The following SPTA1 variants were observed in gnomAD, a reference collection of about 807,000 sequenced individuals.
SPTA1 encodes spectrin alpha, erythrocytic 1.
A neutral mutation model predicts 324.7 loss-of-function variants in SPTA1; 177 were observed. That is an observed-to-expected ratio of 0.55 (90% confidence interval 0.48 to 0.62). The LOEUF is 0.62. Among genes scored for constraint, SPTA1 ranks in the 20% least tolerant of loss-of-function variants. SPTA1 has a pLI of 0.00. For missense variants in SPTA1, 3,162 were observed against 2,883.6 expected, an observed-to-expected ratio of 1.10 and a Z score of -2.21; for synonymous variants, 1,195 against 1,041.3, an observed-to-expected ratio of 1.15 and a Z score of -2.84.
intron 42 of SPTA1, among the ~76,000 whole-genome samples, chr1:158,625,348 C>T (rs1010946959): frequency 6.6e-6 from 1 of 152,072 alleles, no homozygotes; most frequent in Non-Finnish European, 1.5e-5. Context: ...GAAATGTCAA[C>T]ACATCTTTTA....
rs141964877 is a variant in SPTA1, at chr1:158,651,925, G to T, written c.3376-457C>A. ...TCTCTCTCTCTGTGTGTGTGTGTGC[G>T]CGTGTGTGTGTGTTAAATCCCACGT... On this transcript the variant is annotated intron_variant, in intron 23 of 51. Coordinates refer to ENST00000643759, the MANE Select transcript of SPTA1 (RefSeq NM_003126.4). Among the ~76,000 whole-genome samples the T allele has an allele frequency of 3.3e-5, 5 of 151,786 alleles. No homozygotes were observed. The South Asian group carries it at 1.0e-3, about 32-fold the overall frequency.
At chr1:158,654,974 G>A (rs73018255) in intron 20 of SPTA1, among the ~76,000 whole-genome samples, 130 of 152,116 alleles carry the variant, frequency 8.5e-4, no homozygotes, top group Non-Finnish European at 1.3e-3. Flanking sequence ...AGCAAGGAAG[G>A]AAATACATAA....
chr1:158,624,696 A>T (rs1417259739), intron 42 of SPTA1, among the ~76,000 whole-genome samples: 2 of 152,236 alleles, frequency 1.3e-5, no homozygotes, highest in African/African-American at 4.8e-5. Context: ...TATAATAAGG[A>T]AACTGCAGAA....
rs987973140 is a variant in SPTA1, at chr1:158,661,587, C to T, written c.2465-178G>A. On this transcript the variant is annotated intron_variant, in intron 17 of 51. Transcript: ENST00000643759. Reference sequence around the variant, plus strand: ...TCACTCTACTTATCTTTGTTCTTCCCCTGGCCTCTTTTTATTAATAAATTT... The same window carrying T: ...TCACTCTACTTATCTTTGTTCTTCCTCTGGCCTCTTTTTATTAATAAATTT... 6.6e-6 allele frequency: 5 copies of T among 755,642 alleles called. No homozygotes were observed. The African/African-American group carries it at 8.9e-5, about 13-fold the overall frequency. The allele number at this position is 755,642 out of a possible 1,614,324, so 46.8% of individuals were successfully genotyped here. A position where few individuals can be genotyped will look rare whatever the true frequency, so the allele number is the denominator to read the frequency against.
chr1:158,667,745 T>A, intron 15 of SPTA1, 113 bp downstream of exon 15: 1 of 1,134,626 alleles, frequency 8.8e-7, no homozygotes, highest in South Asian at 1.5e-5. Context: ...TGGAAGCAAA[T>A]GAGTAGTATA....
chr1:158,620,164 G>C lies in SPTA1; in HGVS notation c.6417+6C>G. 2 of 1,614,096 alleles carry C rather than the reference G, an allele frequency of 1.2e-6. No homozygotes were observed. Among genetic ancestry groups the C allele is most frequent in the African/African-American group, 2.7e-5 (2 of 75,026 alleles). On this transcript the variant is annotated splice_donor_region_variant and intron_variant, in intron 44 of 51. Coordinates refer to ENST00000643759, the MANE Select transcript of SPTA1 (RefSeq NM_003126.4). ...GAAAGGAAGTTTCTGCCGTGTTCCA[G>C]GTTACCTCAATGATGTCAGATAGGT...
chr1:158,612,465 A>C lies in SPTA1; in HGVS notation c.7134+352T>G, dbSNP rs925112282. 1.8e-5 allele frequency: 6 copies of C among 328,780 alleles called. No individual in the cohort carries two copies. In the Admixed American group the frequency reaches 2.6e-4, roughly 15 times the overall value. The allele number at this position is 328,780 out of a possible 1,614,324, so 20.4% of individuals were successfully genotyped here. A position where few individuals can be genotyped will look rare whatever the true frequency, so the allele number is the denominator to read the frequency against. ...TGTAAAGTTCTGTCTTCCCCACTAC[A>C]CCTGAATTTAGGGACTGTGTCTTAC... On this transcript the variant is annotated intron_variant, in intron 51 of 51. Coordinates refer to ENST00000643759, the MANE Select transcript of SPTA1 (RefSeq NM_003126.4).
intron 42 of SPTA1, among the ~76,000 whole-genome samples, chr1:158,624,090 C>T (rs2101771638): frequency 6.8e-6 from 1 of 147,700 alleles, no homozygotes; most frequent in Non-Finnish European, 1.5e-5. Context: ...TTGTAGATTT[C>T]AGAGGATGTA....
chr1:158,612,762 G>A (rs2251964), intron 51 of SPTA1, 55 bp downstream of exon 51: 432,803 of 1,603,178 alleles, frequency 0.27, 60,282 homozygotes, highest in East Asian at 0.41. Flanking sequence ...GGCCTGAGAT[G>A]ACCAGAATTC....
rs111674514 is a variant in SPTA1 at position 158,686,557 on chromosome 1, CAGAGAGAGAG to C, written c.-50_-41del. 2 of 1,024,270 alleles carry C rather than the reference CAGAGAGAGAG, an allele frequency of 2.0e-6. No homozygotes were observed. The highest frequency in any genetic ancestry group is 1.5e-6 in the Non-Finnish European group (1 of 667,218). The allele number at this position is 1,024,270 out of a possible 1,614,324, so 63.4% of individuals were successfully genotyped here. A position where few individuals can be genotyped will look rare whatever the true frequency, so the allele number is the denominator to read the frequency against. On this transcript the variant is annotated 5_prime_UTR_variant, in exon 1 of 52. An upstream open reading frame in the 5' UTR loses its in-frame stop. Coordinates refer to ENST00000643759, the MANE Select transcript of SPTA1 (RefSeq NM_003126.4). Reference sequence around the variant, plus strand: ...TAGAACCTGGCAAGATAAAATGTGTCAGAGAGAGAGAGAGAGAGAAATAATTCAAATGGAA... The same window carrying C: ...TAGAACCTGGCAAGATAAAATGTGTCAGAGAGAGAAATAATTCAAATGGAA...
At chr1:158,655,993 A>T (rs1377986801) in intron 20 of SPTA1, among the ~76,000 whole-genome samples, 1 of 152,140 alleles carries the variant, frequency 6.6e-6, no homozygotes, top group Non-Finnish European at 1.5e-5. Context: ...AATAATTCAG[A>T]TCAGGCGGTT....
intron 25 of SPTA1, 35 bp from the exon 26 acceptor site, chr1:158,648,688 G>C: frequency 6.2e-7 from 1 of 1,611,384 alleles, no homozygotes; most frequent in Non-Finnish European, 8.5e-7. Context: ...TCAAAAGTAA[G>C]GATATGTACC....
intron 42 of SPTA1, 122 bp downstream of exon 42, chr1:158,626,024 G>A: frequency 1.3e-6 from 1 of 759,986 alleles, no homozygotes; most frequent in Non-Finnish European, 2.2e-6. Context: ...TTAATATTAA[G>A]AAGGGAAAAT....
chr1:158,676,315 C>G lies in SPTA1; in HGVS notation c.958-20G>C, dbSNP rs781139182. On this transcript the variant is annotated intron_variant, in intron 7 of 51. Coordinates refer to ENST00000643759, the MANE Select transcript of SPTA1 (RefSeq NM_003126.4). ...CTTCACCTTTGGGATGAAAAAGAAA[C>G]CTAGTAGGAAATCCAAGTACTCTGA... 1 of 1,612,766 alleles carries G rather than the reference C, an allele frequency of 6.2e-7. No homozygotes were observed. Among genetic ancestry groups the G allele is most frequent in the South Asian group, 1.1e-5 (1 of 91,062 alleles).
At chr1:158,627,784 T>C (rs1650374920) in intron 39 of SPTA1, 61 bp from the exon 40 acceptor site, 2 of 1,503,022 alleles carry the variant, frequency 1.3e-6, no homozygotes, top group Non-Finnish European at 1.8e-6. Context: ...TATTCACTCA[T>C]ATTCAGACTC....
intron 5 of SPTA1, among the ~76,000 whole-genome samples, chr1:158,679,695 C>T (rs1255781833): frequency 1.3e-5 from 2 of 152,098 alleles, no homozygotes; most frequent in African/African-American, 4.8e-5. Context: ...ATCAGGAAAA[C>T]AGCCCAGCAG....
chr1:158,685,164 T>A lies in SPTA1; in HGVS notation c.208A>T (p.Met70Leu). The A allele has an allele frequency of 1.2e-6, 2 of 1,613,784 alleles. No homozygotes were observed. Among genetic ancestry groups the A allele is most frequent in the Non-Finnish European group, 1.7e-6 (2 of 1,179,852 alleles). The stretch of plus-strand genomic sequence containing the variant: ...TCGGTTAAGATATTGACTTTCTCCA[T>A]GATCCACTTCCCCAGATCATCTGCA... ...RDADDLGKWIMEKVNILTDKS... is the reference protein window; with the variant it reads ...RDADDLGKWILEKVNILTDKS... The change falls in exon 2 of 52, where the codon ATG becomes TTG. Residue 70 changes from methionine to leucine, a missense_variant. Physicochemically the swap from Met to Leu is conservative, Grantham distance 15 (BLOSUM62 2). Transcript: ENST00000643759.
intron 27 of SPTA1, among the ~76,000 whole-genome samples, chr1:158,646,540 A>G (rs1652013081): frequency 6.6e-6 from 1 of 152,212 alleles, no homozygotes; most frequent in Admixed American, 6.5e-5. Flanking sequence ...CAATTAAAAA[A>G]CAAAACTGAA....
chr1:158,683,615 A>G (rs529093497), intron 2 of SPTA1, 119 bp from the exon 3 acceptor site: 120 of 1,355,336 alleles, frequency 8.9e-5, no homozygotes, highest in Non-Finnish European at 1.2e-4. Context: ...GAGGCCATAA[A>G]GAGTATTTTC....
Sources: gnomAD v4.1 joint callset for allele counts (sites outside exome capture counted in the v4.1 genomes callset) on GRCh38, gnomAD v4.1.1 for gene constraint, MANE v1.5 for transcripts, NCBI Gene and HGNC (gene_info 2026-07-23, HGNC 2026-07-21) for gene names.